Variants in LZIC observed in about 807,000 individuals in gnomAD.
The protein encoded by LZIC is protein LZIC.
In LZIC, 28 loss-of-function variants were observed where a neutral mutation model predicts 25.4. The ratio of observed to expected loss-of-function variants is 1.10; its 90% CI spans 0.82 to 1.51. LZIC has a LOEUF of 1.51. Among genes scored for constraint, LZIC ranks in the 40% most tolerant of loss-of-function variants. The pLI is 0.00. For synonymous variants in LZIC, 65 were observed against 70.7 expected, an observed-to-expected ratio of 0.92 and a Z score of 0.40; for missense variants, 170 against 211.1, an observed-to-expected ratio of 0.81 and a Z score of 1.21.
chr1:9,932,343 C>T (rs1412663100), intron 6 of LZIC, among the ~76,000 whole-genome samples: 1 of 138,018 alleles, frequency 7.2e-6, no homozygotes, highest in Non-Finnish European at 1.6e-5. Flanking sequence ...AAAACTCCGT[C>T]TCAAAAAAAA....
chr1:9,936,956 C>A (rs1298629125), intron 2 of LZIC, among the ~76,000 whole-genome samples: 2 of 151,914 alleles, frequency 1.3e-5, no homozygotes, highest in Non-Finnish European at 2.9e-5. Context: ...ATGGTGAAAC[C>A]CCATCTCTAC....
At chr1:9,941,755 C>T (rs1347419488) in intron 2 of LZIC, among the ~76,000 whole-genome samples, 7 of 152,128 alleles carry the variant, frequency 4.6e-5, no homozygotes, top group Non-Finnish European at 1.0e-4. Flanking sequence ...CCTCGGCCTC[C>T]CAAAGTGCTG....
chr1:9,925,214 T>C (rs1288929787), downstream of LZIC, among the ~76,000 whole-genome samples: 1 of 150,654 alleles, frequency 6.6e-6, no homozygotes, highest in African/African-American at 2.4e-5. Context: ...TAATCCCAGC[T>C]ACTCAGGAGG....
At chr1:9,925,869 T>C, downstream of LZIC, among the ~76,000 whole-genome samples, 1 of 145,116 alleles carries the variant, frequency 6.9e-6, no homozygotes, top group East Asian at 2.0e-4. Flanking sequence ...ATTACAGGCA[T>C]GAGCCACCAC....
intron 5 of LZIC, among the ~76,000 whole-genome samples, chr1:9,933,299 T>C (rs751996497): frequency 6.9e-5 from 9 of 130,150 alleles, no homozygotes; most frequent in Non-Finnish European, 9.4e-5. Flanking sequence ...TATATATATA[T>C]ATACACATAC....
chr1:9,938,146 GTA>G (rs1640542981), intron 2 of LZIC, among the ~76,000 whole-genome samples: 1 of 152,038 alleles, frequency 6.6e-6, no homozygotes, highest in Admixed American at 6.6e-5. Flanking sequence ...TTGGTCTTAT[GTA>G]TATTGACCTA....
chr1:9,931,081 G>C (rs1212608949), intron 7 of LZIC, among the ~76,000 whole-genome samples: 4 of 149,854 alleles, frequency 2.7e-5, no homozygotes, highest in Non-Finnish European at 5.9e-5. Flanking sequence ...AATATTTTTT[G>C]CGGGGAGACA....
intron 2 of LZIC, among the ~76,000 whole-genome samples, chr1:9,939,130 T>G (rs1260565108): frequency 6.6e-6 from 1 of 152,136 alleles, no homozygotes; most frequent in Non-Finnish European, 1.5e-5. Flanking sequence ...CCGACTGGAG[T>G]GCGGTGGCAC....
intron 3 of LZIC, 99 bp downstream of exon 3, chr1:9,936,420 A>G (rs1454946951): frequency 1.6e-5 from 12 of 762,864 alleles, no homozygotes; most frequent in Non-Finnish European, 2.1e-5. Flanking sequence ...AGAACACTAC[A>G]GGGGAATGCA....
chr1:9,933,410 A>C (rs1442695546), intron 5 of LZIC, among the ~76,000 whole-genome samples: 6 of 151,840 alleles, frequency 4.0e-5, no homozygotes, highest in Non-Finnish European at 7.4e-5. Flanking sequence ...TAGAAATGTT[A>C]AATGCAGTTC....
downstream of LZIC, among the ~76,000 whole-genome samples, chr1:9,926,003 C>A (rs1639972354): frequency 6.7e-6 from 1 of 148,638 alleles, no homozygotes; most frequent in Non-Finnish European, 1.5e-5. Context: ...ACGCCATTCT[C>A]CTGCCTCAGC....
At chr1:9,923,459 G>A (rs962980174), downstream of LZIC, among the ~76,000 whole-genome samples, 17 of 150,578 alleles carry the variant, frequency 1.1e-4, no homozygotes, top group Non-Finnish European at 1.6e-4. Context: ...ATCAGCCTGC[G>A]TCAGCCTCCC....
downstream of LZIC, among the ~76,000 whole-genome samples, chr1:9,926,162 G>A (rs1043008803): frequency 4.6e-5 from 7 of 152,104 alleles, no homozygotes; most frequent in Non-Finnish European, 1.0e-4. Context: ...TGGGATTACA[G>A]GTGTGAGCCA....
At chr1:9,934,246 A>G (rs1253333288) in intron 5 of LZIC, among the ~76,000 whole-genome samples, 1 of 151,834 alleles carries the variant, frequency 6.6e-6, no homozygotes, top group Admixed American at 6.6e-5. Context: ...AAAAAAACAT[A>G]AAAAACTTGT....
chr1:9,931,811 T>A, intron 7 of LZIC, 80 bp downstream of exon 7: 1 of 898,250 alleles, frequency 1.1e-6, no homozygotes. Flanking sequence ...TTATGTTATT[T>A]CAACCACACT....
intron 3 of LZIC, among the ~76,000 whole-genome samples, 178 bp downstream of exon 3, chr1:9,936,341 T>C (rs930235587): frequency 6.6e-6 from 1 of 152,228 alleles, no homozygotes; most frequent in Non-Finnish European, 1.5e-5. Context: ...TGAATGACTT[T>C]CATTTCCCAG....
At chr1:9,940,768 A>G (rs1421490829) in intron 2 of LZIC, among the ~76,000 whole-genome samples, 2 of 152,230 alleles carry the variant, frequency 1.3e-5, no homozygotes, top group East Asian at 3.8e-4. Flanking sequence ...GGCATAAGTC[A>G]TCTATGATCA....
In LZIC at chr1:9,935,613, G is replaced by A. The variant is rs759812615; in HGVS notation, c.116C>T (p.Thr39Ile). The change falls in exon 4 of 8, where the codon ACA (threonine) becomes ATA (isoleucine). Residue 39 changes from threonine (T) to isoleucine (I), a missense_variant. Thr to Ile is a moderately conservative substitution (Grantham distance 89). Coordinates refer to ENST00000377223, the MANE Select transcript of LZIC (RefSeq NM_032368.5). ...DLEECREELD[T>I]DEYEETKKET... ...CTTTTTGGTTTCTTCATATTCATCT[G>A]TATCAAGTTCCTCTCTGAAATAGGT... 3.7e-6 allele frequency: 6 copies of A among 1,601,928 alleles called. No individual in the cohort carries two copies. Among genetic ancestry groups the A allele is most frequent in the African/African-American group, 1.4e-5 (1 of 73,948 alleles).
At chr1:9,932,687 A>G in intron 6 of LZIC, 116 bp downstream of exon 6, 102 of 337,992 alleles carry the variant, frequency 3.0e-4, no homozygotes, top group East Asian at 1.4e-3. Flanking sequence ...CCGTCTCAGA[A>G]AAAAAAAAAA....
Sources: allele counts gnomAD v4.1 joint callset (sites outside exome capture counted in the v4.1 genomes callset), GRCh38; gene constraint gnomAD v4.1.1; transcripts MANE v1.5; gene names NCBI Gene and HGNC (gene_info 2026-07-23, HGNC 2026-07-21).